The following IGF1R variants were observed in gnomAD, a reference collection of about 807,000 sequenced individuals.
The protein encoded by IGF1R is insulin like growth factor 1 receptor, also known as insulin-like growth factor 1 receptor.
A neutral mutation model predicts 144.6 loss-of-function variants in IGF1R; 44 were observed. The observed-to-expected ratio is 0.30, with a 90% CI of 0.24 to 0.39. The LOEUF (loss-of-function observed/expected upper bound fraction) is 0.39. IGF1R is among the 10% of genes least tolerant of loss of function. The pLI is 1.00. For synonymous variants in IGF1R, 795 were observed against 722.8 expected, an observed-to-expected ratio of 1.10 and a Z score of -1.60; for missense variants, 1,355 against 1,833.7, an observed-to-expected ratio of 0.74 and a Z score of 4.77.
intron 2 of IGF1R, among the ~76,000 whole-genome samples, chr15:98,771,556 T>C (rs2055585703): frequency 6.6e-6 from 1 of 152,208 alleles, no homozygotes; most frequent in Admixed American, 6.5e-5. Context: ...TAAACGGTGA[T>C]GTCGCAGGTG....
At chr15:98,880,214 G>C (rs1038168248) in intron 2 of IGF1R, among the ~76,000 whole-genome samples, 2 of 152,174 alleles carry the variant, frequency 1.3e-5, no homozygotes, top group African/African-American at 4.8e-5. Flanking sequence ...CCCAGCTAGA[G>C]GACGATTCCT....
intron 2 of IGF1R, among the ~76,000 whole-genome samples, chr15:98,726,313 C>T (rs531960696): frequency 6.6e-6 from 1 of 152,328 alleles, no homozygotes; most frequent in East Asian, 1.9e-4. Flanking sequence ...CCTAATACTT[C>T]CTAGTGGGCT....
At position 98,704,837 on chromosome 15, in the gene IGF1R, ACCAAGAT is replaced by A. The variant is rs2053823485; in HGVS notation, c.95-2724_95-2718del. 6.6e-6 allele frequency among the ~76,000 whole-genome samples: 1 copy of A among 152,134 alleles called. No homozygotes were observed. Among genetic ancestry groups the A allele is most frequent in the East Asian group, 1.9e-4 (1 of 5,188 alleles). On this transcript the variant is annotated intron_variant, in intron 1 of 20. Transcript: ENST00000650285. This position sits in a 1 kb window ranked among gnomAD's most constrained non-coding sequence, Gnocchi z 4.9. ...GTGGGGCAGCATTGTGGGAAGAGCA[ACCAAGAT>A]TCTCATAGGCTTGGGAGCGGAAGCC... is the stretch of plus-strand genomic sequence containing the variant.
At chr15:98,785,936 TGAAA>T (rs1012835945) in intron 2 of IGF1R, among the ~76,000 whole-genome samples, 3 of 152,214 alleles carry the variant, frequency 2.0e-5, no homozygotes, top group African/African-American at 7.2e-5. Context: ...CTCGGTCTGC[TGAAA>T]GAGTCAGTTG....
intron 1 of IGF1R, among the ~76,000 whole-genome samples, chr15:98,668,641 C>T (rs1486909395): frequency 6.6e-6 from 1 of 152,166 alleles, no homozygotes; most frequent in Non-Finnish European, 1.5e-5. Context: ...TTATTTTAAA[C>T]TCTGCAGGAG....
intron 2 of IGF1R, among the ~76,000 whole-genome samples, chr15:98,871,154 G>A (rs1365620367): frequency 1.3e-5 from 2 of 152,260 alleles, no homozygotes; most frequent in East Asian, 3.8e-4. Context: ...GACCTGGGAA[G>A]TCATAATGGC....
At position 98,957,501 on chromosome 15, in the gene IGF1R, G is replaced by C. The variant is rs138593519; in HGVS notation, c.*59G>C. On this transcript the variant is annotated 3_prime_UTR_variant, in exon 21 of 21. Coordinates refer to ENST00000650285, the MANE Select transcript of IGF1R (RefSeq NM_000875.5). ...TGTGCGCACGCGCAGCGGGGTGGGGGGGGAGAGAGAGTTTTAACAATCCAT... is the reference window on the plus strand; with the variant it reads ...TGTGCGCACGCGCAGCGGGGTGGGGCGGGAGAGAGAGTTTTAACAATCCAT... The C allele has an allele frequency of 5.0e-6, 8 of 1,606,600 alleles. No individual in the cohort carries two copies. The East Asian group carries it at 1.1e-4, about 22-fold the overall frequency.
intron 2 of IGF1R, among the ~76,000 whole-genome samples, chr15:98,800,862 G>C (rs574926478): frequency 6.6e-6 from 1 of 152,332 alleles, no homozygotes; most frequent in African/African-American, 2.4e-5. Context: ...TACAGCAGCA[G>C]TTGGGTAATA....
chr15:98,818,719 C>T (rs1335244073), intron 2 of IGF1R, among the ~76,000 whole-genome samples: 1 of 152,024 alleles, frequency 6.6e-6, no homozygotes, highest in African/African-American at 2.4e-5. Flanking sequence ...CTAGTCTCTA[C>T]CTGCTAGATG....
At chr15:98,651,343 A>G (rs1476326694) in intron 1 of IGF1R, among the ~76,000 whole-genome samples, 1 of 152,148 alleles carries the variant, frequency 6.6e-6, no homozygotes, top group Non-Finnish European at 1.5e-5. Context: ...CCTTCCACAG[A>G]TCTGGGCTCT....
At chr15:98,828,177 A>G (rs1567149392) in intron 2 of IGF1R, among the ~76,000 whole-genome samples, 1 of 152,222 alleles carries the variant, frequency 6.6e-6, no homozygotes, top group Admixed American at 6.5e-5. Context: ...TTAGGAAGAA[A>G]ACAAAGGACA....
At position 98,959,925 on chromosome 15, in the gene IGF1R, A is replaced by T. The variant is rs931114691; in HGVS notation, c.*2483A>T. 2 of 232,884 alleles carry T rather than the reference A, an allele frequency of 8.6e-6. No individual in the cohort carries two copies. The highest frequency in any genetic ancestry group is 1.7e-5 in the Non-Finnish European group (2 of 118,028). The allele number at this position is 232,884 out of a possible 1,614,324, so 14.4% of individuals were successfully genotyped here. A position where few individuals can be genotyped will look rare whatever the true frequency, so the allele number is the denominator to read the frequency against. On this transcript the variant is annotated 3_prime_UTR_variant, in exon 21 of 21. Coordinates refer to ENST00000650285, the MANE Select transcript of IGF1R (RefSeq NM_000875.5). ...ATTTTGTGATAAATTACCAGTTTCA[A>T]TCACTGTAGAAAAGCCCCATTATGA...
chr15:98,939,541 A>T lies in IGF1R; in HGVS notation c.3457+181A>T, dbSNP rs368291035. On this transcript the variant is annotated intron_variant, in intron 18 of 20. Coordinates refer to ENST00000650285, the MANE Select transcript of IGF1R (RefSeq NM_000875.5). ...CACAAACCTGGCACGGTCGGTCCCA[A>T]TGCTGATAGCTCATGGACATGGTGG... Among the ~76,000 whole-genome samples the T allele has an allele frequency of 2.6e-5, 4 of 152,190 alleles. 1 individual carries two copies. The highest frequency in any genetic ancestry group is 2.0e-4 in the Admixed American group (3 of 15,280).
At chr15:98,846,188 C>T (rs1176450421) in intron 2 of IGF1R, among the ~76,000 whole-genome samples, 2 of 152,118 alleles carry the variant, frequency 1.3e-5, no homozygotes, top group Admixed American at 6.5e-5. Context: ...TTTAAAATTA[C>T]ACCAGTTGCA....
chr15:98,882,473 G>A (rs1474018565), intron 2 of IGF1R, among the ~76,000 whole-genome samples: 1 of 152,234 alleles, frequency 6.6e-6, no homozygotes, highest in Non-Finnish European at 1.5e-5. Flanking sequence ...ATGGATGACT[G>A]TAAATTTCTC....
chr15:98,894,429 TGATA>T (rs1401909343), intron 3 of IGF1R, among the ~76,000 whole-genome samples: 2 of 152,218 alleles, frequency 1.3e-5, no homozygotes, highest in Non-Finnish European at 2.9e-5. Flanking sequence ...AGATGTCCTA[TGATA>T]GATAGTTAGT....
intron 2 of IGF1R, among the ~76,000 whole-genome samples, chr15:98,803,424 G>C (rs868456535): frequency 3.9e-5 from 6 of 152,184 alleles, no homozygotes; most frequent in African/African-American, 1.4e-4. Flanking sequence ...GGGTGAGTCA[G>C]TGAGTCAGTG....
At chr15:98,651,560 T>C (rs915172054) in intron 1 of IGF1R, among the ~76,000 whole-genome samples, 1 of 152,252 alleles carries the variant, frequency 6.6e-6, no homozygotes. Flanking sequence ...TTTTGTGTTT[T>C]TAATGTTCTG....
chr15:98,835,834 C>G (rs1216156533), intron 2 of IGF1R, among the ~76,000 whole-genome samples: 2 of 152,152 alleles, frequency 1.3e-5, no homozygotes, highest in Non-Finnish European at 2.9e-5. Context: ...TTCTTCAAAG[C>G]CAAGTTCTGA....
Sources: gnomAD v4.1 joint callset for allele counts (sites outside exome capture counted in the v4.1 genomes callset) on GRCh38, gnomAD v4.1.1 for gene constraint, Gnocchi (gnomAD v3.1) non-coding constraint, MANE v1.5 for transcripts, NCBI Gene and HGNC (gene_info 2026-07-23, HGNC 2026-07-21) for gene names.